Variants in ERG observed in about 807,000 individuals in gnomAD.
ERG encodes transcriptional regulator ERG.
In ERG, 9 loss-of-function variants were observed where a neutral mutation model predicts 55.3. The ratio of observed to expected loss-of-function variants is 0.16; its 90% CI spans 0.10 to 0.28. The LOEUF (loss-of-function observed/expected upper bound fraction) is 0.28, where lower values mean the gene tolerates loss of function less well. Ranked by LOEUF, ERG falls within the 10% of genes least tolerant of loss-of-function variation. The pLI is 1.00. For synonymous variants in ERG, 223 were observed against 237.3 expected, an observed-to-expected ratio of 0.94 and a Z score of 0.55; for missense variants, 434 against 631.6, an observed-to-expected ratio of 0.69 and a Z score of 3.35.
At chr21:38,611,480 T>C (rs2212597) in intron 1 of ERG, among the ~76,000 whole-genome samples, 37,182 of 151,826 alleles carry the variant, frequency 0.24, 5,182 homozygotes, top group African/African-American at 0.39. Flanking sequence ...ACCTCCCTGC[T>C]GCTCCTCAAG....
intron 1 of ERG, among the ~76,000 whole-genome samples, chr21:38,624,367 G>C (rs563005120): frequency 2.6e-5 from 4 of 152,292 alleles, no homozygotes; most frequent in South Asian, 2.1e-4. Flanking sequence ...CCGAGATGAC[G>C]GGGTGATAGG....
At chr21:38,527,465 A>C (rs187558590) in intron 2 of ERG, among the ~76,000 whole-genome samples, 75 of 152,346 alleles carry the variant, frequency 4.9e-4, no homozygotes, top group African/African-American at 1.7e-3. Context: ...CTGAGGAATG[A>C]CGGGTTAAAT....
At chr21:38,445,827 T>C (rs2058886980) in intron 1 of ERG, among the ~76,000 whole-genome samples, 2 of 152,010 alleles carry the variant, frequency 1.3e-5, no homozygotes, top group Non-Finnish European at 2.9e-5. Context: ...AGAAAAACTT[T>C]TATGCAGGTC....
At chr21:38,601,310 T>C (rs1000757945) in intron 1 of ERG, among the ~76,000 whole-genome samples, 15 of 152,102 alleles carry the variant, frequency 9.9e-5, no homozygotes, top group African/African-American at 3.6e-4. Context: ...CCAAAATACC[T>C]ACAACGTTTT....
At chr21:38,519,576 GAGGACAA>G (rs1480689176) in intron 2 of ERG, among the ~76,000 whole-genome samples, 7 of 152,200 alleles carry the variant, frequency 4.6e-5, no homozygotes, top group Non-Finnish European at 8.8e-5. Flanking sequence ...ACAGAAGATA[GAGGACAA>G]AGGAGCCCAT....
At chr21:38,594,750 C>T (rs1053227037) in intron 1 of ERG, among the ~76,000 whole-genome samples, 1 of 152,148 alleles carries the variant, frequency 6.6e-6, no homozygotes, top group Non-Finnish European at 1.5e-5. Flanking sequence ...ATCCAGACAA[C>T]AATAATAACT....
intron 6 of ERG, chr21:38,400,000 A>G: frequency 4.8e-6 from 1 of 208,674 alleles, no homozygotes; most frequent in East Asian, 7.8e-5. Context: ...AGCTTACTGA[A>G]GCCTGGTTCA....
intron 1 of ERG, among the ~76,000 whole-genome samples, chr21:38,632,105 C>T (rs1364649996): frequency 6.6e-6 from 1 of 152,112 alleles, no homozygotes; most frequent in Non-Finnish European, 1.5e-5. Context: ...AAGCAGGACT[C>T]TGTAGCCAAC....
chr21:38,652,450 AG>A (rs2060493836), intron 1 of ERG, among the ~76,000 whole-genome samples: 2 of 152,232 alleles, frequency 1.3e-5, no homozygotes, highest in African/African-American at 2.4e-5. Context: ...CAATATGACA[AG>A]GTTGTTTAAA....
In ERG at chr21:38,383,423, G is replaced by T; in HGVS notation, c.1420C>A (p.His474Asn). ...TRLPTSHMPSHLGTYY is the reference protein window; with the variant it reads ...TRLPTSHMPSNLGTYY ...GGTCTTTAGTAGTAAGTGCCCAGAT[G>T]AGAAGGCATATGGCTGGTGGGGAGC... Residue 474 changes from histidine to asparagine, a missense_variant, in exon 10 of 10, where the codon CAT becomes AAT. Physicochemically the swap from His to Asn is moderately conservative, Grantham distance 68. Around this residue, in one of 5 missense-constraint regions of ERG, gnomAD observed 107 missense variants for 126.8 expected, o/e 0.84. Coordinates refer to ENST00000288319, the MANE Select transcript of ERG (RefSeq NM_182918.4). The surrounding 1 kb of genome is among the most constrained non-coding windows in gnomAD (Gnocchi z 5.7). 1 of 1,510,510 alleles carries T rather than the reference G, an allele frequency of 6.6e-7. No individual in the cohort carries two copies. The highest frequency in any genetic ancestry group is 8.9e-7 in the Non-Finnish European group (1 of 1,129,402). The allele number at this position is 1,510,510 out of a possible 1,614,324, so 93.6% of individuals were successfully genotyped here.
chr21:38,441,846 G>T (rs2146547031), intron 2 of ERG, among the ~76,000 whole-genome samples: 1 of 152,298 alleles, frequency 6.6e-6, no homozygotes, highest in South Asian at 2.1e-4. Context: ...GAGGCACGTA[G>T]GCCTGGATTG....
chr21:38,645,888 G>C (rs113609516), intron 1 of ERG, among the ~76,000 whole-genome samples: 1 of 152,134 alleles, frequency 6.6e-6, no homozygotes, highest in Admixed American at 6.5e-5. Context: ...CCCCCAGATA[G>C]AAGCATATAC....
chr21:38,599,533 C>G (rs1042446064), intron 1 of ERG, among the ~76,000 whole-genome samples: 1 of 152,208 alleles, frequency 6.6e-6, no homozygotes, highest in African/African-American at 2.4e-5. Flanking sequence ...CTTCCTGCTC[C>G]AACCCTGGAG....
At chr21:38,590,599 T>C (rs1044955596) in intron 1 of ERG, among the ~76,000 whole-genome samples, 1 of 152,024 alleles carries the variant, frequency 6.6e-6, no homozygotes, top group African/African-American at 2.4e-5. Flanking sequence ...CATCCATCCA[T>C]CCATGTATTC....
chr21:38,403,733 A>C (rs773695359), intron 3 of ERG, 24 bp from the exon 4 acceptor site: 1 of 1,608,970 alleles, frequency 6.2e-7, no homozygotes, highest in South Asian at 1.1e-5. Context: ...GAACACATTC[A>C]GTCAATTCCT....
At chr21:38,398,598 AC>A (rs1431468116) in intron 6 of ERG, among the ~76,000 whole-genome samples, 1 of 152,088 alleles carries the variant, frequency 6.6e-6, no homozygotes, top group Non-Finnish European at 1.5e-5. Flanking sequence ...TGAGTTTGCC[AC>A]CCTTGCCTTC....
chr21:38,599,430 G>A (rs1371067877), intron 1 of ERG, among the ~76,000 whole-genome samples: 2 of 152,196 alleles, frequency 1.3e-5, no homozygotes, highest in Non-Finnish European at 2.9e-5. Flanking sequence ...TGAACAAGGG[G>A]CAGCTTTTAG....
chr21:38,433,687 G>A (rs931966654), intron 2 of ERG, among the ~76,000 whole-genome samples: 5 of 152,094 alleles, frequency 3.3e-5, no homozygotes, highest in African/African-American at 1.2e-4. Flanking sequence ...ATCCAAGAAC[G>A]GCACTGAATA....
intron 9 of ERG, among the ~76,000 whole-genome samples, chr21:38,389,083 C>G (rs62217881): frequency 1.0e-3 from 155 of 152,294 alleles, no homozygotes; most frequent in Non-Finnish European, 1.8e-3. Flanking sequence ...TCGCCTGCAC[C>G]TAAGCAGTTA....
Sources: allele counts gnomAD v4.1 joint callset (sites outside exome capture counted in the v4.1 genomes callset), GRCh38; gene constraint gnomAD v4.1.1; regional missense constraint gnomAD v4.1.1; non-coding constraint Gnocchi (gnomAD v3.1); transcripts MANE v1.5; gene names NCBI Gene and HGNC (gene_info 2026-07-23, HGNC 2026-07-21).